Variants in ADCY2 observed in about 807,000 individuals in gnomAD.
ADCY2 encodes adenylate cyclase type 2.
ADCY2 carries 31 observed loss-of-function variants against 125.2 expected under a neutral mutation model. The ratio of observed to expected loss-of-function variants is 0.25; its 90% CI spans 0.19 to 0.33. The LOEUF is 0.33. ADCY2 is among the 10% of genes least tolerant of loss of function. The pLI is 1.00. For synonymous variants in ADCY2, 512 were observed against 548.4 expected (o/e 0.93, Z 0.93); for missense variants, 904 against 1,418.2 (o/e 0.64, Z 5.82).
chr5:7,794,430 T>G (rs1387077455), intron 20 of ADCY2: 1 of 152,256 alleles, frequency 6.6e-6, no homozygotes, highest in Non-Finnish European at 1.5e-5. Context: ...GCTAGCCAGT[T>G]GCGGGAACAG....
At position 7,734,811 on chromosome 5, in the gene ADCY2, T is replaced by C. The variant is rs569239882; in HGVS notation, c.1871+7550T>C. 3.9e-5 allele frequency among the ~76,000 whole-genome samples: 6 copies of C among 152,292 alleles called. No individual in the cohort carries two copies. In the East Asian group the frequency reaches 9.7e-4, roughly 24 times the overall value. ...CATAGACTGTGTAGCTTAGGAGCAA[T>C]AGAAATTTAGAAGCCATGGTTCCAG... On this transcript the variant is annotated intron_variant, in intron 14 of 24. Transcript: ENST00000338316.
rs1419403521 is a variant in ADCY2, at chr5:7,763,302, A to G, written c.2095-3385A>G. Among the ~76,000 whole-genome samples, 5 of 151,570 alleles carry G rather than the reference A, an allele frequency of 3.3e-5. No individual in the cohort carries two copies. In the South Asian group the frequency reaches 6.2e-4, roughly 19 times the overall value. ...GAGACGGGGTTTCACCATGTTAGCCAAGATGGTCTCGATCTCCTGACCTCG... is the reference window on the plus strand; with the variant it reads ...GAGACGGGGTTTCACCATGTTAGCCGAGATGGTCTCGATCTCCTGACCTCG... On this transcript the variant is annotated intron_variant, in intron 16 of 24. Coordinates refer to ENST00000338316, the MANE Select transcript of ADCY2 (RefSeq NM_020546.3).
At chr5:7,626,627 G>T (rs2037683354) in intron 4 of ADCY2, among the ~76,000 whole-genome samples, 1 of 152,172 alleles carries the variant, frequency 6.6e-6, no homozygotes, top group Admixed American at 6.5e-5. Context: ...TGGGTAATGT[G>T]CAGGGATCAC....
At position 7,774,390 on chromosome 5, in the gene ADCY2, A is replaced by G. The variant is rs1222068494; in HGVS notation, c.2384+1289A>G. On this transcript the variant is annotated intron_variant, in intron 18 of 24. Transcript: ENST00000338316. ...AATTGCCAACTAAACATGCTTTACT[A>G]TTGCTCTACTATATCCAGAAAGCCT... Among the ~76,000 whole-genome samples the G allele has an allele frequency of 3.3e-5, 5 of 152,236 alleles. 1 individual carries two copies. Among genetic ancestry groups the G allele is most frequent in the African/African-American group, 7.2e-5 (3 of 41,472 alleles).
chr5:7,812,160 C>T (rs1041859243), intron 22 of ADCY2, among the ~76,000 whole-genome samples: 4 of 152,130 alleles, frequency 2.6e-5, no homozygotes, highest in African/African-American at 9.7e-5. Flanking sequence ...AAACTAATAG[C>T]CCCAGTTCCC....
chr5:7,816,754 A>G, intron 22 of ADCY2, 112 bp from the exon 23 acceptor site: 1 of 771,704 alleles, frequency 1.3e-6, no homozygotes, highest in Non-Finnish European at 2.3e-6. Flanking sequence ...GCCTTGTAGC[A>G]TTAGAATTTG....
chr5:7,501,131 T>TAA (rs754532650), intron 2 of ADCY2, among the ~76,000 whole-genome samples: 1,625 of 143,990 alleles, frequency 0.011, 34 homozygotes, highest in African/African-American at 0.04. Context: ...AGCTTTTTTT[T>TAA]AAAAAAAAAA....
chr5:7,622,527 A>G (rs1737987804), intron 3 of ADCY2, among the ~76,000 whole-genome samples: 1 of 152,246 alleles, frequency 6.6e-6, no homozygotes, highest in African/African-American at 2.4e-5. Context: ...CCCATTATCT[A>G]CAGACAGGAG....
chr5:7,660,497 C>CT (rs2126692477), intron 4 of ADCY2, among the ~76,000 whole-genome samples: 1 of 152,246 alleles, frequency 6.6e-6, no homozygotes, highest in South Asian at 2.1e-4. Flanking sequence ...AGGAAATTTA[C>CT]TTTAAGGAAC....
At chr5:7,602,646 G>A (rs138409376) in intron 3 of ADCY2, among the ~76,000 whole-genome samples, 312 of 152,176 alleles carry the variant, frequency 2.1e-3, no homozygotes, top group South Asian at 9.8e-3. Flanking sequence ...CTTTTCTCAG[G>A]TTGGTCTGAA....
intron 2 of ADCY2, among the ~76,000 whole-genome samples, chr5:7,510,607 G>T (rs994875966): frequency 1.3e-5 from 2 of 152,172 alleles, no homozygotes; most frequent in Non-Finnish European, 2.9e-5. Flanking sequence ...AATCAAATAG[G>T]ATGCAGTGTC....
At chr5:7,759,685 C>T (rs976417075) in intron 16 of ADCY2, among the ~76,000 whole-genome samples, 3 of 152,168 alleles carry the variant, frequency 2.0e-5, no homozygotes, top group Non-Finnish European at 2.9e-5. Context: ...TGGATGGTGA[C>T]GTCATTTATT....
At chr5:7,509,618 A>G (rs886505166) in intron 2 of ADCY2, among the ~76,000 whole-genome samples, 1 of 152,228 alleles carries the variant, frequency 6.6e-6, no homozygotes, top group Non-Finnish European at 1.5e-5. Context: ...GAAGAATGAA[A>G]GCTACCCAGT....
chr5:7,410,168 C>A (rs1739654270), intron 1 of ADCY2, among the ~76,000 whole-genome samples: 1 of 152,050 alleles, frequency 6.6e-6, no homozygotes, highest in Non-Finnish European at 1.5e-5. Flanking sequence ...TCGACTTCTC[C>A]CACTGAAAAA....
At chr5:7,447,156 C>T (rs1485741443) in intron 2 of ADCY2, among the ~76,000 whole-genome samples, 1 of 152,022 alleles carries the variant, frequency 6.6e-6, no homozygotes, top group East Asian at 1.9e-4. Context: ...GCCCACCACC[C>T]GACCTTACTC....
intron 14 of ADCY2, among the ~76,000 whole-genome samples, chr5:7,743,296 C>G (rs2126432754): frequency 6.6e-6 from 1 of 151,882 alleles, no homozygotes; most frequent in African/African-American, 2.4e-5. Context: ...TGAGGCTGTC[C>G]TTAAGGCGGC....
In ADCY2 at chr5:7,467,044, C is replaced by T. The variant is rs535018008; in HGVS notation, c.408+52274C>T. On this transcript the variant is annotated intron_variant, in intron 2 of 24. Coordinates refer to ENST00000338316, the MANE Select transcript of ADCY2 (RefSeq NM_020546.3). Reference sequence around the variant, plus strand: ...TGAATTAGGATATTTTCAATTTACCCTGGGCTTATCGGGATGTAACCCCAT... The same window carrying T: ...TGAATTAGGATATTTTCAATTTACCTTGGGCTTATCGGGATGTAACCCCAT... Among the ~76,000 whole-genome samples the T allele has an allele frequency of 1.3e-3, 196 of 152,278 alleles. 2 individuals are homozygous for T. Among genetic ancestry groups the T allele is most frequent in the Non-Finnish European group, 2.0e-3 (139 of 68,020 alleles).
At chr5:7,610,476 C>T (rs936644778) in intron 3 of ADCY2, among the ~76,000 whole-genome samples, 1 of 151,958 alleles carries the variant, frequency 6.6e-6, no homozygotes, top group African/African-American at 2.4e-5. Flanking sequence ...GATATTCTTG[C>T]CTAGAGTAGT....
intron 2 of ADCY2, among the ~76,000 whole-genome samples, chr5:7,489,779 G>A (rs1743090097): frequency 6.6e-6 from 1 of 152,132 alleles, no homozygotes; most frequent in Admixed American, 6.5e-5. Context: ...CCTCAATGCA[G>A]TGCCCTCTGC....
Sources: gnomAD v4.1 joint callset for allele counts (sites outside exome capture counted in the v4.1 genomes callset) on GRCh38, gnomAD v4.1.1 for gene constraint, MANE v1.5 for transcripts, NCBI Gene and HGNC (gene_info 2026-07-23, HGNC 2026-07-21) for gene names.